SPATA16: variants seen among roughly 807,000 people sequenced by gnomAD.
SPATA16 encodes the protein spermatogenesis-associated protein 16.
SPATA16 carries 36 observed loss-of-function variants against 63.3 expected under a neutral mutation model. That is an observed-to-expected ratio of 0.57 (90% CI 0.44 to 0.75). SPATA16 has a LOEUF of 0.75. Among genes scored for constraint, SPATA16 ranks in the 30% least tolerant of loss-of-function variants. The probability of loss-of-function intolerance (pLI) is 0.00; values close to 1 mark genes in which losing one functional copy is unlikely to be tolerated. For missense variants in SPATA16, 646 were observed against 679.3 expected (o/e 0.95, Z 0.54); for synonymous variants, 203 against 216.7 (o/e 0.94, Z 0.56).
chr3:172,913,837 G>C, intron 9 of SPATA16, 93 bp from the exon 10 acceptor site: 2 of 1,090,790 alleles, frequency 1.8e-6, no homozygotes, highest in Non-Finnish European at 2.7e-6. Flanking sequence ...AAAATCATTT[G>C]TACGCTGATG....
chr3:172,988,513 C>T (rs576046077), intron 4 of SPATA16, among the ~76,000 whole-genome samples: 2 of 152,326 alleles, frequency 1.3e-5, no homozygotes, highest in African/African-American at 4.8e-5. Flanking sequence ...CCCAAATACC[C>T]TCACTCACTT....
intron 10 of SPATA16, among the ~76,000 whole-genome samples, chr3:172,900,107 T>C (rs1732096805): frequency 6.6e-6 from 1 of 152,182 alleles, no homozygotes; most frequent in Non-Finnish European, 1.5e-5. Context: ...GCTATTCTTT[T>C]TGGGTAGGTT....
chr3:172,913,076 G>A (rs1732406861), intron 10 of SPATA16, among the ~76,000 whole-genome samples: 1 of 152,202 alleles, frequency 6.6e-6, no homozygotes, highest in Non-Finnish European at 1.5e-5. Flanking sequence ...TTTGACTGGA[G>A]AACCAAGATT....
At chr3:172,961,108 T>G (rs140218808) in intron 5 of SPATA16, among the ~76,000 whole-genome samples, 11,777 of 143,996 alleles carry the variant, frequency 0.082, 961 homozygotes, top group East Asian at 0.13. Flanking sequence ...CTTCCTTCCT[T>G]CCTTCCTTCC....
chr3:173,013,184 A>G (rs901875473), intron 4 of SPATA16, among the ~76,000 whole-genome samples: 9 of 152,354 alleles, frequency 5.9e-5, no homozygotes, highest in Non-Finnish European at 1.3e-4. Context: ...ATAGCTAATA[A>G]TCAGAGAGAT....
intron 6 of SPATA16, among the ~76,000 whole-genome samples, chr3:172,930,168 A>G (rs1042499100): frequency 1.3e-5 from 2 of 152,188 alleles, no homozygotes; most frequent in Non-Finnish European, 2.9e-5. Context: ...GTTTCATGCC[A>G]ATACATCACT....
At chr3:172,946,829 C>T (rs1317571327) in intron 6 of SPATA16, among the ~76,000 whole-genome samples, 2 of 152,180 alleles carry the variant, frequency 1.3e-5, no homozygotes, top group Non-Finnish European at 2.9e-5. Context: ...CTGAACAGCC[C>T]TTGGGCCTTG....
intron 1 of SPATA16, among the ~76,000 whole-genome samples, chr3:173,137,580 G>T (rs546700842): frequency 6.6e-6 from 1 of 152,078 alleles, no homozygotes; most frequent in Admixed American, 6.5e-5. Flanking sequence ...CATAAATGGT[G>T]TCAATTTCAA....
chr3:173,086,227 C>A (rs886581164), intron 2 of SPATA16, among the ~76,000 whole-genome samples: 1 of 152,042 alleles, frequency 6.6e-6, no homozygotes, highest in African/African-American at 2.4e-5. Flanking sequence ...TTTGTCTATT[C>A]AGGAATTCAA....
chr3:172,919,048 T>A (rs1732562898), intron 8 of SPATA16, among the ~76,000 whole-genome samples: 1 of 152,224 alleles, frequency 6.6e-6, no homozygotes, highest in South Asian at 2.1e-4. Context: ...TATGTAAACA[T>A]TTTTTATGCT....
intron 3 of SPATA16, among the ~76,000 whole-genome samples, chr3:173,029,308 T>C (rs1304018193): frequency 6.6e-6 from 1 of 152,016 alleles, no homozygotes; most frequent in African/African-American, 2.4e-5. Context: ...ACTAACAAGT[T>C]AGCTTGAAGC....
intron 4 of SPATA16, among the ~76,000 whole-genome samples, chr3:173,007,703 G>C (rs1024788861): frequency 6.6e-6 from 1 of 151,868 alleles, no homozygotes; most frequent in Non-Finnish European, 1.5e-5. Flanking sequence ...AAATGAAAAG[G>C]AGAAGAGACC....
intron 6 of SPATA16, among the ~76,000 whole-genome samples, chr3:172,941,294 A>C (rs1733142128): frequency 6.6e-6 from 1 of 152,216 alleles, no homozygotes; most frequent in African/African-American, 2.4e-5. Context: ...AAAGTATTAA[A>C]AAGGAAACGG....
chr3:172,948,727 A>C (rs992216273), intron 6 of SPATA16, among the ~76,000 whole-genome samples: 3 of 152,152 alleles, frequency 2.0e-5, no homozygotes, highest in Non-Finnish European at 4.4e-5. Context: ...CTCGGCTTCC[A>C]AAGTGTTGGG....
intron 3 of SPATA16, among the ~76,000 whole-genome samples, chr3:173,022,704 A>G (rs1403914325): frequency 6.6e-6 from 1 of 151,992 alleles, no homozygotes; most frequent in African/African-American, 2.4e-5. Context: ...TGCAGGAGGC[A>G]GCCTGTGACC....
intron 2 of SPATA16, among the ~76,000 whole-genome samples, chr3:173,069,483 C>A (rs1736613992): frequency 6.6e-6 from 1 of 152,110 alleles, no homozygotes; most frequent in South Asian, 2.1e-4. Context: ...GAAATAGAAG[C>A]AATAATAAAA....
At chr3:172,964,309 CTT>C (rs1305780397) in intron 5 of SPATA16, among the ~76,000 whole-genome samples, 3 of 152,120 alleles carry the variant, frequency 2.0e-5, no homozygotes, top group Non-Finnish European at 4.4e-5. Flanking sequence ...ACATATATAA[CTT>C]ATAAATAGAA....
chr3:173,005,920 T>C (rs1232069415), intron 4 of SPATA16, among the ~76,000 whole-genome samples: 1 of 152,200 alleles, frequency 6.6e-6, no homozygotes, highest in Non-Finnish European at 1.5e-5. Flanking sequence ...AAATTAGTGT[T>C]TTTGTTATAA....
At chr3:172,913,088 C>T (rs1732407043) in intron 10 of SPATA16, among the ~76,000 whole-genome samples, 1 of 152,196 alleles carries the variant, frequency 6.6e-6, no homozygotes, top group African/African-American at 2.4e-5. Context: ...ACCAAGATTA[C>T]TAACTTTCAC....
Sources: allele counts gnomAD v4.1 joint callset (sites outside exome capture counted in the v4.1 genomes callset), GRCh38; gene constraint gnomAD v4.1.1; transcripts MANE v1.5; gene names NCBI Gene and HGNC (gene_info 2026-07-23, HGNC 2026-07-21).